The following SNX14 variants were observed in gnomAD, a reference collection of about 807,000 sequenced individuals.
SNX14 encodes sorting nexin 14, also known as sorting nexin-14.
SNX14 carries 93 observed loss-of-function variants against 133.8 expected under a neutral mutation model. That is an observed-to-expected ratio of 0.70 (90% confidence interval 0.59 to 0.83). The LOEUF is 0.83. SNX14 is among the 40% of genes least tolerant of loss of function. The pLI, the probability that SNX14 is intolerant of heterozygous loss-of-function variation, is 0.00. For missense variants in SNX14, 945 were observed against 1,094.9 expected (o/e 0.86, Z 1.93); for synonymous variants, 368 against 365.6 (o/e 1.01, Z -0.07).
At chr6:85,522,009 C>G (rs1777049530) in intron 21 of SNX14, among the ~76,000 whole-genome samples, 1 of 152,162 alleles carries the variant, frequency 6.6e-6, no homozygotes, top group African/African-American at 2.4e-5. Flanking sequence ...GTCCTTTCCC[C>G]CATGTAGGTT....
chr6:85,537,344 C>T (rs960875495), intron 16 of SNX14, among the ~76,000 whole-genome samples: 2 of 150,766 alleles, frequency 1.3e-5, no homozygotes, highest in African/African-American at 4.9e-5. Flanking sequence ...TAAAATTATG[C>T]GACAGAAAAA....
rs145307436 is a variant in SNX14, at chr6:85,566,178, G to A, written c.462-759C>T. Among the ~76,000 whole-genome samples, 123 of 152,226 alleles carry A rather than the reference G, an allele frequency of 8.1e-4. 1 individual carries two copies. In the East Asian group the frequency reaches 0.013, roughly 16 times the overall value. Reference sequence around the variant, plus strand: ...TAGAAATACAACTAGATTTTATGTCGAAAGTGTCGTAATGAGAGATGGGAG... The same window carrying A: ...TAGAAATACAACTAGATTTTATGTCAAAAGTGTCGTAATGAGAGATGGGAG... On this transcript the variant is annotated intron_variant, in intron 5 of 28. Transcript: ENST00000314673.
intron 7 of SNX14, among the ~76,000 whole-genome samples, chr6:85,552,300 T>A (rs528537671): frequency 2.1e-3 from 322 of 152,246 alleles, no homozygotes; most frequent in Admixed American, 4.2e-3. Context: ...CCTCCCAAAG[T>A]GCTGGGGGAA....
chr6:85,588,156 T>C (rs934456025), intron 1 of SNX14, among the ~76,000 whole-genome samples: 1 of 152,116 alleles, frequency 6.6e-6, no homozygotes, highest in Non-Finnish European at 1.5e-5. Context: ...TAGCTCAGCC[T>C]ATATATAGTC....
chr6:85,519,742 G>A (rs1219399307), intron 21 of SNX14, among the ~76,000 whole-genome samples: 1 of 152,152 alleles, frequency 6.6e-6, no homozygotes, highest in African/African-American at 2.4e-5. Context: ...GGTGGCACAC[G>A]CCTGTTATCC....
chr6:85,533,492 A>G, intron 18 of SNX14, 107 bp downstream of exon 18: 1 of 995,508 alleles, frequency 1.0e-6, no homozygotes, highest in Non-Finnish European at 1.5e-6. Context: ...TCTTTTGGAT[A>G]TGCAGCCATA....
At position 85,528,242 on chromosome 6, in the gene SNX14, T is replaced by C; in HGVS notation, c.1995+20A>G. ...TGCTATGATTAGCAACATTTGGAATTAATACAGTTGATGTTATACCTGTAG... is the reference window on the plus strand; with the variant it reads ...TGCTATGATTAGCAACATTTGGAATCAATACAGTTGATGTTATACCTGTAG... On this transcript the variant is annotated intron_variant, in intron 20 of 28. Coordinates refer to ENST00000314673, the MANE Select transcript of SNX14 (RefSeq NM_153816.6). 6.6e-7 allele frequency: 1 copy of C among 1,526,274 alleles called. No homozygotes were observed. Among genetic ancestry groups the C allele is most frequent in the Non-Finnish European group, 9.0e-7 (1 of 1,105,944 alleles). The allele number at this position is 1,526,274 out of a possible 1,614,324, so 94.5% of individuals were successfully genotyped here. A position where few individuals can be genotyped will look rare whatever the true frequency, so the allele number is the denominator to read the frequency against.
chr6:85,588,563 G>A (rs1470892256), intron 1 of SNX14, among the ~76,000 whole-genome samples: 9 of 116,362 alleles, frequency 7.7e-5, no homozygotes, highest in African/African-American at 1.1e-4. Flanking sequence ...AGCAAAGAGC[G>A]AGACTCCGTC....
rs531262646 is a variant in SNX14 at position 85,540,633 on chromosome 6, T to C, written c.1448+1352A>G. Among the ~76,000 whole-genome samples the C allele has an allele frequency of 2.6e-5, 4 of 152,350 alleles. No individual in the cohort carries two copies. In the South Asian group the frequency reaches 8.3e-4, roughly 32 times the overall value. ...CCTTTCAGAAAAGTTATTACATGTA[T>C]ACTACTTCTACTGAGGCATTAAATC... is the stretch of plus-strand genomic sequence containing the variant. On this transcript the variant is annotated intron_variant, in intron 15 of 28. Transcript: ENST00000314673.
intron 1 of SNX14, chr6:85,589,781 A>T (rs1358230391): frequency 1.3e-5 from 2 of 152,246 alleles, no homozygotes; most frequent in Non-Finnish European, 2.9e-5. Flanking sequence ...TATTGTTTCA[A>T]GTCTGATGGC....
In SNX14 at chr6:85,517,992, T is replaced by C. The variant is rs1329974464; in HGVS notation, c.2148+16A>G. On this transcript the variant is annotated intron_variant, in intron 22 of 28. Coordinates refer to ENST00000314673, the MANE Select transcript of SNX14 (RefSeq NM_153816.6). Reference sequence around the variant, plus strand: ...TGATTATCATGTTATAGAACACACATAAATCAGTTACTCACCTCTTTCATT... The same window carrying C: ...TGATTATCATGTTATAGAACACACACAAATCAGTTACTCACCTCTTTCATT... The C allele has an allele frequency of 1.8e-5, 29 of 1,601,788 alleles. No homozygotes were observed. The highest frequency in any genetic ancestry group is 2.3e-5 in the Non-Finnish European group (27 of 1,174,328).
At chr6:85,519,110 C>T (rs1398887993) in intron 21 of SNX14, among the ~76,000 whole-genome samples, 1 of 152,146 alleles carries the variant, frequency 6.6e-6, no homozygotes, top group Non-Finnish European at 1.5e-5. Flanking sequence ...TCAATCAAAC[C>T]TAGTCAGTAA....
intron 7 of SNX14, among the ~76,000 whole-genome samples, chr6:85,556,194 C>T (rs1789709474): frequency 6.6e-6 from 1 of 152,186 alleles, no homozygotes; most frequent in African/African-American, 2.4e-5. Flanking sequence ...AACATAAAAT[C>T]TACTGATTTA....
At chr6:85,561,131 C>T (rs1791422624) in intron 6 of SNX14, 1 of 151,336 alleles carries the variant, frequency 6.6e-6, no homozygotes, top group Non-Finnish European at 1.5e-5. Context: ...GTCAGGAGTT[C>T]GAGACCAGCC....
In SNX14 at chr6:85,506,018, T is replaced by G; in HGVS notation, c.2803-13A>C. On this transcript the variant is annotated splice_polypyrimidine_tract_variant and intron_variant, in intron 28 of 28. Coordinates refer to ENST00000314673, the MANE Select transcript of SNX14 (RefSeq NM_153816.6). Reference sequence around the variant, plus strand: ...CTTCCTTTTGTACCTAAAGTAAAAATAAATCCATTTAATAGAAGACAAGAC... The same window carrying G: ...CTTCCTTTTGTACCTAAAGTAAAAAGAAATCCATTTAATAGAAGACAAGAC... 6.5e-7 allele frequency: 1 copy of G among 1,539,394 alleles called. No homozygotes were observed. Among genetic ancestry groups the G allele is most frequent in the Non-Finnish European group, 9.0e-7 (1 of 1,113,014 alleles).
intron 6 of SNX14, among the ~76,000 whole-genome samples, chr6:85,558,465 T>C (rs1162909267): frequency 3.3e-5 from 5 of 152,168 alleles, no homozygotes; most frequent in Non-Finnish European, 7.4e-5. Context: ...GTTTGTTTTT[T>C]GGGTTTTTGT....
rs533447355 is a variant in SNX14, at chr6:85,574,471, C to T, written c.141-93G>A. On this transcript the variant is annotated intron_variant, in intron 1 of 28. Transcript: ENST00000314673. ...GACTTAACAAGCATTCATTAAGCACCTACAATATCAGATTGAAGCAATTTT... is the reference window on the plus strand; with the variant it reads ...GACTTAACAAGCATTCATTAAGCACTTACAATATCAGATTGAAGCAATTTT... 1.9e-5 allele frequency: 16 copies of T among 835,072 alleles called. No homozygotes were observed. In the South Asian group the frequency reaches 3.8e-4, roughly 20 times the overall value. 51.7% of individuals were successfully genotyped at this position (835,072 alleles called of 1,614,324 possible). A position where few individuals can be genotyped will look rare whatever the true frequency, so the allele number is the denominator to read the frequency against.
Position 85,543,245 on chromosome 6 carries a change from T to C in SNX14, c.1326A>G (p.Ala442=). 1 of 1,604,404 alleles carries C rather than the reference T, an allele frequency of 6.2e-7. No homozygotes were observed. Among genetic ancestry groups the C allele is most frequent in the Non-Finnish European group, 8.5e-7 (1 of 1,176,324 alleles). Residue 442 remains alanine (A), a synonymous_variant, in exon 14 of 29, where the codon GCA becomes GCG. Transcript: ENST00000314673. ...KLQTMRCLFE[A]YEHVLSLLEN... ...CCAAAAGGGAAAGAACATGTTCATA[T>C]GCTTCAAAAAGACATCTCATAGTTT...
At chr6:85,571,861 T>C (rs937511769) in intron 4 of SNX14, among the ~76,000 whole-genome samples, 2 of 152,248 alleles carry the variant, frequency 1.3e-5, no homozygotes, top group African/African-American at 4.8e-5. Context: ...ATATTTCTGC[T>C]GCGCTATCAT....
Sources: allele counts gnomAD v4.1 joint callset (sites outside exome capture counted in the v4.1 genomes callset), GRCh38; gene constraint gnomAD v4.1.1; transcripts MANE v1.5; gene names NCBI Gene and HGNC (gene_info 2026-07-23, HGNC 2026-07-21).